RIMS2: variants seen among roughly 807,000 people sequenced by gnomAD.
RIMS2 encodes regulating synaptic membrane exocytosis 2, also known as regulating synaptic membrane exocytosis protein 2.
In RIMS2, 59 loss-of-function variants were observed where a neutral mutation model predicts 174.4. The ratio of observed to expected loss-of-function variants is 0.34; its 90% CI spans 0.27 to 0.42. The LOEUF is 0.42. Among genes scored for constraint, RIMS2 ranks in the 10% least tolerant of loss-of-function variants. The pLI is 1.00. For missense variants in RIMS2, 1,620 were observed against 1,666.3 expected, an observed-to-expected ratio of 0.97 and a Z score of 0.48; for synonymous variants, 606 against 572.5, an observed-to-expected ratio of 1.06 and a Z score of -0.84.
chr8:103,532,858 CA>C (rs1445068811), intron 1 of RIMS2, among the ~76,000 whole-genome samples: 1 of 150,134 alleles, frequency 6.7e-6, no homozygotes, highest in African/African-American at 2.5e-5. Context: ...AGAAGAGAAA[CA>C]AAAAAACAAA....
intron 14 of RIMS2, among the ~76,000 whole-genome samples, chr8:103,956,895 A>G (rs1339247159): frequency 2.0e-5 from 3 of 152,214 alleles, no homozygotes; most frequent in Non-Finnish European, 4.4e-5. Flanking sequence ...GAACTTAAAC[A>G]GATTTACAAG....
In RIMS2 at chr8:103,750,031, A is replaced by G. The variant is rs537874962; in HGVS notation, c.388-16196A>G. Among the ~76,000 whole-genome samples, 7 of 152,240 alleles carry G rather than the reference A, an allele frequency of 4.6e-5. No individual in the cohort carries two copies. In the East Asian group the frequency reaches 1.3e-3, roughly 29 times the overall value. ...ATTTTTTTTTAAGACAGCTGTTAAA[A>G]CAGTGGGTATATCCTACAAGATTAA... On this transcript the variant is annotated intron_variant, in intron 2 of 23. Coordinates refer to ENST00000504942, the Ensembl canonical transcript of RIMS2.
chr8:103,961,155 T>G, intron 15 of RIMS2, 22 bp downstream of exon 17: 13 of 1,054,806 alleles, frequency 1.2e-5, no homozygotes, highest in Non-Finnish European at 1.9e-5. Context: ...AGAATTATTT[T>G]ATAGTATTAA....
intron 19 of RIMS2, among the ~76,000 whole-genome samples, chr8:104,102,808 C>G (rs1279853149): frequency 6.6e-6 from 1 of 152,138 alleles, no homozygotes; most frequent in Admixed American, 6.5e-5. Flanking sequence ...CCCCATGATT[C>G]AATTACCTCC....
At chr8:104,183,252 C>T (rs1192280424) in intron 19 of RIMS2, among the ~76,000 whole-genome samples, 1 of 151,680 alleles carries the variant, frequency 6.6e-6, no homozygotes, top group Non-Finnish European at 1.5e-5. Context: ...TTAACTTTGG[C>T]TGTCAAGAAA....
intron 19 of RIMS2, among the ~76,000 whole-genome samples, chr8:104,083,629 G>A (rs1317664568): frequency 6.6e-6 from 1 of 152,134 alleles, no homozygotes; most frequent in African/African-American, 2.4e-5. Flanking sequence ...CTGAGGGCTT[G>A]GAGAAGCATT....
intron 1 of RIMS2, among the ~76,000 whole-genome samples, chr8:103,593,939 A>C (rs543409461): frequency 2.0e-5 from 3 of 151,652 alleles, no homozygotes; most frequent in South Asian, 4.1e-4. Flanking sequence ...AGGGGTTCTG[A>C]GACAAAAAAG....
At chr8:103,795,568 T>G (rs1246305772) in intron 3 of RIMS2, among the ~76,000 whole-genome samples, 1 of 151,818 alleles carries the variant, frequency 6.6e-6, no homozygotes, top group African/African-American at 2.4e-5. Context: ...ATCCTAGAAA[T>G]TAAAGTATAA....
At chr8:104,115,567 A>C (rs1260581482) in intron 19 of RIMS2, among the ~76,000 whole-genome samples, 1 of 152,190 alleles carries the variant, frequency 6.6e-6, no homozygotes, top group East Asian at 1.9e-4. Context: ...GCCTACATCA[A>C]GATAACGGAT....
Position 103,942,759 on chromosome 8 carries a change from T to G in RIMS2, c.2548-14T>G, listed in dbSNP as rs781496936. ...TGGTATATTATAACCGTCCTTTGTC[T>G]CTTGGGTTTGTAGATTTTAATTGAA... On this transcript the variant is annotated splice_polypyrimidine_tract_variant and intron_variant, in intron 13 of 23. Transcript: ENST00000504942. The G allele has an allele frequency of 1.3e-6, 2 of 1,599,384 alleles. No homozygotes were observed. The highest frequency in any genetic ancestry group is 1.7e-6 in the Non-Finnish European group (2 of 1,168,170).
intron 1 of RIMS2, among the ~76,000 whole-genome samples, chr8:103,585,190 TATC>T (rs2093842240): frequency 6.6e-6 from 1 of 152,152 alleles, no homozygotes; most frequent in South Asian, 2.1e-4. Flanking sequence ...CACAATGAGA[TATC>T]ATCTCATGCC....
At chr8:103,516,292 C>A (rs1828920848) in intron 1 of RIMS2, among the ~76,000 whole-genome samples, 1 of 151,984 alleles carries the variant, frequency 6.6e-6, no homozygotes, top group South Asian at 2.1e-4. Context: ...GTACAGGAAC[C>A]AAAATTTGAG....
chr8:103,527,616 C>A (rs1358676834), intron 1 of RIMS2, among the ~76,000 whole-genome samples: 1 of 152,030 alleles, frequency 6.6e-6, no homozygotes, highest in Non-Finnish European at 1.5e-5. Context: ...GTTCAGTTCC[C>A]ACCTATGAGT....
At chr8:103,757,037 G>GAT (rs1564527623) in intron 2 of RIMS2, among the ~76,000 whole-genome samples, 2 of 148,842 alleles carry the variant, frequency 1.3e-5, no homozygotes, top group Non-Finnish European at 3.0e-5. Flanking sequence ...GAGAGAGAGA[G>GAT]ATACAGAGAG....
chr8:103,994,749 G>A (rs1459560968), intron 17 of RIMS2, among the ~76,000 whole-genome samples: 1 of 151,976 alleles, frequency 6.6e-6, no homozygotes, highest in Non-Finnish European at 1.5e-5. Context: ...ATCTCAAGGA[G>A]GGTCATGACC....
At chr8:103,771,938 T>C (rs1390040345) in intron 3 of RIMS2, among the ~76,000 whole-genome samples, 3 of 152,088 alleles carry the variant, frequency 2.0e-5, no homozygotes, top group South Asian at 2.1e-4. Flanking sequence ...ATACCAAGGG[T>C]AATAAAAATA....
chr8:104,024,416 A>G (rs1042652107), intron 19 of RIMS2, among the ~76,000 whole-genome samples: 3 of 152,202 alleles, frequency 2.0e-5, no homozygotes, highest in African/African-American at 7.2e-5. Context: ...CCTTTCTTCA[A>G]TCCACATAGC....
chr8:103,987,391 A>G (rs2094437942), intron 16 of RIMS2, among the ~76,000 whole-genome samples: 2 of 152,220 alleles, frequency 1.3e-5, no homozygotes, highest in Non-Finnish European at 2.9e-5. Flanking sequence ...GTAATTCATC[A>G]TATTAATGGA....
intron 19 of RIMS2, among the ~76,000 whole-genome samples, chr8:104,199,471 AG>A (rs1168641749): frequency 1.3e-5 from 2 of 152,212 alleles, no homozygotes; most frequent in Non-Finnish European, 2.9e-5. Flanking sequence ...TCTATTTTTA[AG>A]AAACAGCACT....
Sources: gnomAD v4.1 joint callset for allele counts (sites outside exome capture counted in the v4.1 genomes callset) on GRCh38, gnomAD v4.1.1 for gene constraint, MANE v1.5 for transcripts, NCBI Gene and HGNC (gene_info 2026-07-23, HGNC 2026-07-21) for gene names.